MCF2L2: variants seen among roughly 807,000 people sequenced by gnomAD.
The protein encoded by MCF2L2 is probable guanine nucleotide exchange factor MCF2L2.
MCF2L2 carries 102 observed loss-of-function variants against 150.2 expected under a neutral mutation model. That is an observed-to-expected ratio of 0.68 (90% CI 0.58 to 0.80). The LOEUF (loss-of-function observed/expected upper bound fraction) is 0.80. MCF2L2 is among the 30% of genes least tolerant of loss of function. The probability of loss-of-function intolerance (pLI) is 0.00; values close to 1 mark genes in which losing one functional copy is unlikely to be tolerated. For missense variants in MCF2L2, 1,256 were observed against 1,372.8 expected (o/e 0.91, Z 1.34); for synonymous variants, 465 against 491.3 (o/e 0.95, Z 0.71).
intron 26 of MCF2L2, among the ~76,000 whole-genome samples, chr3:183,194,661 G>C (rs1282373400): frequency 6.6e-6 from 1 of 152,224 alleles, no homozygotes; most frequent in Non-Finnish European, 1.5e-5. Flanking sequence ...AATACAGCAA[G>C]CATGCACCAG....
At chr3:183,219,190 C>T (rs1723053636) in intron 21 of MCF2L2, among the ~76,000 whole-genome samples, 2 of 152,240 alleles carry the variant, frequency 1.3e-5, no homozygotes, top group Admixed American at 1.3e-4. Context: ...ATTAGATATA[C>T]TAAGAGGTAC....
intron 7 of MCF2L2, among the ~76,000 whole-genome samples, chr3:183,313,697 A>C (rs1207892361): frequency 6.6e-6 from 1 of 152,200 alleles, no homozygotes; most frequent in African/African-American, 2.4e-5. Context: ...TACTGCCCGC[A>C]CTCAGGCTGG....
chr3:183,216,049 G>A lies in MCF2L2; in HGVS notation c.2416C>T (p.Gln806Ter), dbSNP rs752728414. 6.2e-7 allele frequency: 1 copy of A among 1,614,046 alleles called. No homozygotes were observed. The highest frequency in any genetic ancestry group is 8.5e-7 in the Non-Finnish European group (1 of 1,179,948). The change falls in exon 22 of 30, where the codon CAA becomes TAA. Residue 806 changes from glutamine to a stop codon, truncating the protein, a stop_gained. Transcript: ENST00000328913. LOFTEE classifies it high-confidence loss of function. ...TCCTCTATCACTGCCAAAGCTTGTT[G>A]TAGTTCAGTTGAGAATGCTGAATCT... ...TKDSAFSTEL[Q>*]QALAVIEDLI...
intron 3 of MCF2L2, chr3:183,376,072 C>T (rs1713173191): frequency 6.6e-6 from 1 of 152,220 alleles, no homozygotes; most frequent in African/African-American, 2.4e-5. Context: ...GCCACTCTTT[C>T]CCGAAAGACA....
At chr3:183,214,989 T>G (rs1722863589) in intron 22 of MCF2L2, among the ~76,000 whole-genome samples, 1 of 152,046 alleles carries the variant, frequency 6.6e-6, no homozygotes, top group Admixed American at 6.6e-5. Flanking sequence ...AGCAAGACTC[T>G]GTCTCAAAAA....
At chr3:183,408,356 T>C (rs1027769205) in intron 1 of MCF2L2, among the ~76,000 whole-genome samples, 1 of 152,188 alleles carries the variant, frequency 6.6e-6, no homozygotes, top group Non-Finnish European at 1.5e-5. Flanking sequence ...GCTTAATGTC[T>C]ACCTCCCCAT....
chr3:183,284,377 C>T (rs996090271), intron 14 of MCF2L2, among the ~76,000 whole-genome samples: 7 of 152,014 alleles, frequency 4.6e-5, no homozygotes, highest in Non-Finnish European at 8.8e-5. Context: ...ATCTTTATAC[C>T]ACCTGCATTC....
At chr3:183,216,516 A>G (rs1722922121) in intron 21 of MCF2L2, among the ~76,000 whole-genome samples, 1 of 135,100 alleles carries the variant, frequency 7.4e-6, no homozygotes, top group African/African-American at 2.9e-5. Context: ...TTAAATATTT[A>G]TATATTATAT....
intron 1 of MCF2L2, among the ~76,000 whole-genome samples, chr3:183,398,284 A>C (rs557456150): frequency 4.7e-4 from 71 of 152,148 alleles, no homozygotes; most frequent in Non-Finnish European, 8.8e-4. Flanking sequence ...TTAAAAAACA[A>C]GTTTGCTTTC....
intron 3 of MCF2L2, among the ~76,000 whole-genome samples, chr3:183,355,792 C>T (rs1451814382): frequency 1.3e-5 from 2 of 151,888 alleles, no homozygotes; most frequent in African/African-American, 4.8e-5. Flanking sequence ...AAGTCCACAC[C>T]AGTCACCTGA....
chr3:183,334,552 CTGAGGT>C (rs1730392648), intron 5 of MCF2L2, among the ~76,000 whole-genome samples: 1 of 151,884 alleles, frequency 6.6e-6, no homozygotes, highest in African/African-American at 2.4e-5. Context: ...CTTTGGGAGG[CTGAGGT>C]GGGTGGATCA....
chr3:183,371,328 G>A (rs138788893), intron 3 of MCF2L2, among the ~76,000 whole-genome samples: 75 of 152,270 alleles, frequency 4.9e-4, no homozygotes, highest in East Asian at 1.5e-3. Context: ...TTAAGGAGAC[G>A]TGAGACATCA....
At chr3:183,381,332 G>A (rs1713513036) in intron 2 of MCF2L2, among the ~76,000 whole-genome samples, 1 of 152,168 alleles carries the variant, frequency 6.6e-6, no homozygotes, top group South Asian at 2.1e-4. Flanking sequence ...GGCGGGCAGT[G>A]TACAGCCAAT....
intron 1 of MCF2L2, among the ~76,000 whole-genome samples, chr3:183,403,742 C>T (rs1299878118): frequency 2.0e-5 from 3 of 152,218 alleles, no homozygotes; most frequent in African/African-American, 7.2e-5. Context: ...CCAGATAAGA[C>T]AGCATGGTCT....
At chr3:183,335,760 T>C (rs1393706074) in intron 5 of MCF2L2, among the ~76,000 whole-genome samples, 1 of 152,048 alleles carries the variant, frequency 6.6e-6, no homozygotes, top group Non-Finnish European at 1.5e-5. Flanking sequence ...CCCAGCAACC[T>C]GGCCAGGATG....
chr3:183,223,341 T>C lies in MCF2L2; in HGVS notation c.2301+5A>G. 1 of 1,610,016 alleles carries C rather than the reference T, an allele frequency of 6.2e-7. No homozygotes were observed. Among genetic ancestry groups the C allele is most frequent in the Non-Finnish European group, 8.5e-7 (1 of 1,176,238 alleles). On this transcript the variant is annotated splice_donor_5th_base_variant and intron_variant, in intron 20 of 29. Transcript: ENST00000328913. ...CAAGGAAAAGCACTGTCTCATTGAT[T>C]TTACCTTCAACAGCATCTGGTATTT...
At chr3:183,271,685 G>T (rs563515635) in intron 15 of MCF2L2, 1 of 166,948 alleles carries the variant, frequency 6.0e-6, no homozygotes, top group East Asian at 1.9e-4. Flanking sequence ...TTGCTCATAG[G>T]GTCCTTCTCT....
At chr3:183,225,336 G>A (rs1056841753) in intron 18 of MCF2L2, 1 of 152,146 alleles carries the variant, frequency 6.6e-6, no homozygotes, top group Non-Finnish European at 1.5e-5. Flanking sequence ...GTTCAGACTG[G>A]TTAAGGAGCT....
At chr3:183,341,726 T>G (rs1386048454) in intron 3 of MCF2L2, 96 bp from the exon 4 acceptor site, 1 of 820,748 alleles carries the variant, frequency 1.2e-6, no homozygotes, top group East Asian at 2.5e-5. Flanking sequence ...TCCACAGCAC[T>G]CCAGGCTCAC....
Sources: gnomAD v4.1 joint callset for allele counts (sites outside exome capture counted in the v4.1 genomes callset) on GRCh38, gnomAD v4.1.1 for gene constraint, MANE v1.5 for transcripts, NCBI Gene and HGNC (gene_info 2026-07-23, HGNC 2026-07-21) for gene names.